The following SLC22A24 variants were observed in gnomAD, a reference collection of about 807,000 sequenced individuals.
SLC22A24 encodes steroid transmembrane transporter SLC22A24.
A neutral mutation model predicts 49.8 loss-of-function variants in SLC22A24; 53 were observed. The ratio of observed to expected loss-of-function variants is 1.06; its 90% confidence interval spans 0.85 to 1.34. The LOEUF is 1.34. Among genes scored for constraint, SLC22A24 ranks in the 40% most tolerant of loss-of-function variants. The pLI is 0.00. For missense variants in SLC22A24, 786 were observed against 675.9 expected, an observed-to-expected ratio of 1.16 and a Z score of -1.81; for synonymous variants, 302 against 256.4, an observed-to-expected ratio of 1.18 and a Z score of -1.70.
intron 2 of SLC22A24, among the ~76,000 whole-genome samples, chr11:63,130,424 G>T (rs2087325524): frequency 6.6e-6 from 1 of 152,098 alleles, no homozygotes; most frequent in African/African-American, 2.4e-5. Flanking sequence ...CAGGGATGTT[G>T]GTCAAAAATT....
chr11:63,081,179 C>T (rs1466911891), intron 8 of SLC22A24, 56 bp from the exon 9 acceptor site: 16 of 1,408,822 alleles, frequency 1.1e-5, no homozygotes, highest in Admixed American at 8.1e-5. Flanking sequence ...CATGTCAGCT[C>T]TTTATCATCA....
intron 4 of SLC22A24, among the ~76,000 whole-genome samples, chr11:63,114,123 G>A (rs2087195695): frequency 6.6e-6 from 1 of 152,022 alleles, no homozygotes; most frequent in South Asian, 2.1e-4. Context: ...TTTCTGGGTT[G>A]GGGAAATTCT....
chr11:63,114,609 G>A (rs1427994130), intron 4 of SLC22A24, among the ~76,000 whole-genome samples: 1 of 152,180 alleles, frequency 6.6e-6, no homozygotes, highest in Admixed American at 6.5e-5. Context: ...CTTGTGAGGA[G>A]CTGCAATCCT....
At chr11:63,105,680 AT>A (rs1325087766) in intron 4 of SLC22A24, among the ~76,000 whole-genome samples, 23 of 150,502 alleles carry the variant, frequency 1.5e-4, no homozygotes, top group African/African-American at 4.2e-4. Flanking sequence ...CCAGTAAGTC[AT>A]TTTTTTTTCT....
intron 4 of SLC22A24, among the ~76,000 whole-genome samples, chr11:63,117,797 G>T (rs965827349): frequency 6.6e-6 from 1 of 152,056 alleles, no homozygotes; most frequent in African/African-American, 2.4e-5. Context: ...TATTGTTAAG[G>T]CTGCCAGCCA....
At chr11:63,117,374 A>C (rs1250011699) in intron 4 of SLC22A24, among the ~76,000 whole-genome samples, 2 of 152,314 alleles carry the variant, frequency 1.3e-5, no homozygotes, top group East Asian at 3.9e-4. Context: ...AGTTGTCTGC[A>C]ACCAATACTT....
chr11:63,108,731 T>C (rs1216207761), intron 4 of SLC22A24, among the ~76,000 whole-genome samples: 4 of 152,288 alleles, frequency 2.6e-5, no homozygotes, highest in African/African-American at 9.6e-5. Context: ...GAGGTGTTTA[T>C]AGTATTCTCT....
chr11:63,081,558 C>G lies in SLC22A24; in HGVS notation c.1394G>C (p.Arg465Thr). 1 of 1,547,706 alleles carries G rather than the reference C, an allele frequency of 6.5e-7. No homozygotes were observed. ...HHNELVPTIL[R>T]STVAGINAVS... is the part of the protein sequence containing the mutation. ...ACCAGATGGTCTTTAGCTCTTGTAC[C>G]TCAATATGGTGGGGACGAGCTCGTT... Residue 465 changes from arginine (R) to threonine (T), a missense_variant and splice_region_variant, in exon 8 of 10, where the codon AGG becomes ACG. By Grantham distance (71) the Arg-to-Thr change is moderately conservative (BLOSUM62 -1). Coordinates refer to ENST00000612278, the MANE Select transcript of SLC22A24 (RefSeq NM_001136506.2).
intron 1 of SLC22A24, 23 bp from the exon 2 acceptor site, chr11:63,134,791 C>T: frequency 6.7e-7 from 1 of 1,495,960 alleles, no homozygotes; most frequent in Non-Finnish European, 9.2e-7. Flanking sequence ...GAAAGCAGTA[C>T]AGCAGAGCTT....
intron 2 of SLC22A24, among the ~76,000 whole-genome samples, chr11:63,122,961 T>C (rs953576216): frequency 3.3e-5 from 5 of 152,200 alleles, no homozygotes; most frequent in African/African-American, 1.2e-4. Context: ...TTTCTTTGTG[T>C]TGGAAATATT....
intron 2 of SLC22A24, among the ~76,000 whole-genome samples, chr11:63,132,898 C>A (rs1008423029): frequency 1.3e-5 from 2 of 152,184 alleles, no homozygotes; most frequent in Non-Finnish European, 2.9e-5. Context: ...TTCAGCTATG[C>A]CCTGCCCCCA....
chr11:63,080,340 TCC>T (rs2086951993), intron 9 of SLC22A24, among the ~76,000 whole-genome samples: 1 of 152,216 alleles, frequency 6.6e-6, no homozygotes, highest in African/African-American at 2.4e-5. Context: ...TAATTTTGTC[TCC>T]TCAAAATTTC....
intron 6 of SLC22A24, among the ~76,000 whole-genome samples, chr11:63,088,863 GA>G (rs1297644406): frequency 6.6e-6 from 1 of 151,944 alleles, no homozygotes; most frequent in Non-Finnish European, 1.5e-5. Context: ...AACGTGTGAA[GA>G]AAAGATTAGA....
At chr11:63,123,958 G>A (rs1403996640) in intron 2 of SLC22A24, among the ~76,000 whole-genome samples, 1 of 152,092 alleles carries the variant, frequency 6.6e-6, no homozygotes, top group Non-Finnish European at 1.5e-5. Context: ...TAAAAATAAA[G>A]ATCGAGAAAT....
chr11:63,143,370 C>G lies in SLC22A24; in HGVS notation c.402+8G>C. 7.0e-7 allele frequency: 1 copy of G among 1,433,138 alleles called. No homozygotes were observed. The highest frequency in any genetic ancestry group is 9.2e-7 in the Non-Finnish European group (1 of 1,090,674). The allele number at this position is 1,433,138 out of a possible 1,614,324, so 88.8% of individuals were successfully genotyped here. Reference sequence around the variant, plus strand: ...ATATAAACAGAAGATTTACATGGGGCCTCTTACCTCAGTCACGATGGTGGA... The same window carrying G: ...ATATAAACAGAAGATTTACATGGGGGCTCTTACCTCAGTCACGATGGTGGA... On this transcript the variant is annotated splice_region_variant and intron_variant, in intron 1 of 9. Transcript: ENST00000612278.
At chr11:63,084,020 A>G (rs2086974007) in intron 6 of SLC22A24, among the ~76,000 whole-genome samples, 1 of 152,226 alleles carries the variant, frequency 6.6e-6, no homozygotes, top group Non-Finnish European at 1.5e-5. Context: ...GAGAGGAATC[A>G]TAACACATTT....
Position 63,079,941 on chromosome 11 carries a change from T to C in SLC22A24, c.1658A>G (p.Ter553=). 6.5e-7 allele frequency: 1 copy of C among 1,541,858 alleles called. No individual in the cohort carries two copies. The highest frequency in any genetic ancestry group is 8.8e-7 in the Non-Finnish European group (1 of 1,138,082). ...EDTCMKVTQF[*] ...TTTGGATCAGGTCTTGGGAATCTCT[T>C]AAAACTGTGTTACTTTCATGCAAGT... Residue 553 remains the stop codon, a stop_retained_variant, in exon 10 of 10, where the codon TAA becomes TGA. Coordinates refer to ENST00000612278, the MANE Select transcript of SLC22A24 (RefSeq NM_001136506.2).
intron 4 of SLC22A24, among the ~76,000 whole-genome samples, chr11:63,110,688 A>G (rs1465771745): frequency 1.5e-5 from 2 of 133,396 alleles, no homozygotes; most frequent in Non-Finnish European, 3.3e-5. Flanking sequence ...TGATTTTTGT[A>G]CATTGATTTT....
At chr11:63,097,114 A>T (rs1227292651) in intron 5 of SLC22A24, among the ~76,000 whole-genome samples, 1 of 152,160 alleles carries the variant, frequency 6.6e-6, no homozygotes, top group African/African-American at 2.4e-5. Flanking sequence ...AAAAGAAACT[A>T]TCATCATAGT....
Sources: allele counts gnomAD v4.1 joint callset (sites outside exome capture counted in the v4.1 genomes callset), GRCh38; gene constraint gnomAD v4.1.1; transcripts MANE v1.5; gene names NCBI Gene and HGNC (gene_info 2026-07-23, HGNC 2026-07-21).